Variants in PARP9 observed in about 807,000 individuals in gnomAD.
PARP9 encodes the protein protein mono-ADP-ribosyltransferase PARP9.
Under a neutral mutation model 68.8 loss-of-function variants are expected in PARP9, and 48 were observed. The ratio of observed to expected loss-of-function variants is 0.70; its 90% CI spans 0.55 to 0.89. The LOEUF (loss-of-function observed/expected upper bound fraction) is 0.89. Among genes scored for constraint, PARP9 ranks in the 40% least tolerant of loss-of-function variants. PARP9 has a pLI of 0.00. For missense variants in PARP9, 806 were observed against 969.3 expected (o/e 0.83, Z 2.24); for synonymous variants, 309 against 333.8 (o/e 0.93, Z 0.81).
At chr3:122,529,308 T>C (rs1363330105) in intron 10 of PARP9, among the ~76,000 whole-genome samples, 3 of 150,488 alleles carry the variant, frequency 2.0e-5, no homozygotes, top group African/African-American at 7.3e-5. Flanking sequence ...GTATTGCACA[T>C]TGATTAGATT....
At chr3:122,540,396 C>T (rs901205272) in intron 8 of PARP9, 76 bp downstream of exon 8, 1 of 1,527,968 alleles carries the variant, frequency 6.5e-7, no homozygotes, top group Non-Finnish European at 8.8e-7. Context: ...TACCCACATC[C>T]ATACATACAC....
chr3:122,535,486 A>G, intron 10 of PARP9: 1 of 985,434 alleles, frequency 1.0e-6, no homozygotes, highest in African/African-American at 1.7e-5. Flanking sequence ...CCCGCTAAGT[A>G]TCTCTCCATA....
chr3:122,558,389 G>T (rs1480697469), intron 3 of PARP9, 45 bp downstream of exon 3: 6 of 1,614,144 alleles, frequency 3.7e-6, no homozygotes, highest in Non-Finnish European at 5.1e-6. Flanking sequence ...GGAAAGATCT[G>T]AGCAAAGACT....
At chr3:122,534,037 A>G in intron 10 of PARP9, 3 of 985,544 alleles carry the variant, frequency 3.0e-6, no homozygotes, top group Non-Finnish European at 3.6e-6. Flanking sequence ...TGCAGGTCAC[A>G]TTATGAGTCA....
intron 8 of PARP9, among the ~76,000 whole-genome samples, chr3:122,537,349 G>A (rs2077728141): frequency 6.6e-6 from 1 of 152,208 alleles, no homozygotes; most frequent in African/African-American, 2.4e-5. Flanking sequence ...AATCAATGCT[G>A]TAATGATGAG....
chr3:122,536,355 A>G lies in PARP9; in HGVS notation c.1906-13T>C. ...CTATCTTCTCCACCTAGAACCATAGAAAAGAAAGACTGAAAAAGAGGCTAG... is the reference window on the plus strand; with the variant it reads ...CTATCTTCTCCACCTAGAACCATAGGAAAGAAAGACTGAAAAAGAGGCTAG... On this transcript the variant is annotated splice_polypyrimidine_tract_variant and intron_variant, in intron 9 of 10. Coordinates refer to ENST00000682323, the MANE Select transcript of PARP9 (RefSeq NM_001146105.2). 6.2e-7 allele frequency: 1 copy of G among 1,609,734 alleles called. No individual in the cohort carries two copies. Among genetic ancestry groups the G allele is most frequent in the East Asian group, 2.2e-5 (1 of 44,854 alleles).
intron 10 of PARP9, chr3:122,535,860 A>T: frequency 9.0e-7 from 1 of 1,113,140 alleles, no homozygotes; most frequent in Non-Finnish European, 1.1e-6. Flanking sequence ...AAAAAAAAAA[A>T]GCCTCAACGT....
intron 5 of PARP9, 84 bp downstream of exon 5, chr3:122,552,334 T>C (rs1282554915): frequency 9.6e-7 from 1 of 1,040,778 alleles, no homozygotes; most frequent in Non-Finnish European, 1.4e-6. Flanking sequence ...TTCATGAATG[T>C]AATGAAATGA....
intron 4 of PARP9, among the ~76,000 whole-genome samples, chr3:122,553,344 C>G (rs1009867456): frequency 6.6e-6 from 1 of 152,174 alleles, no homozygotes; most frequent in Admixed American, 6.5e-5. Context: ...GTCCTTCCTT[C>G]CCCCATGCCC....
intron 10 of PARP9, chr3:122,535,298 A>G (rs2077561441): frequency 1.0e-6 from 1 of 985,344 alleles, no homozygotes. Flanking sequence ...TATGTTCAAC[A>G]TTTACCCCAA....
In PARP9 at chr3:122,555,728, G is replaced by A. The variant is rs201111940; in HGVS notation, c.443C>T (p.Thr148Met). The A allele has an allele frequency of 9.3e-6, 15 of 1,613,682 alleles. No homozygotes were observed. Among genetic ancestry groups the A allele is most frequent in the African/African-American group, 2.7e-5 (2 of 74,896 alleles). The change falls in exon 4 of 11, where the codon ACG (threonine) becomes ATG (methionine). Residue 148 changes from threonine (T) to methionine (M), a missense_variant. By Grantham distance (81) the Thr-to-Met change is moderately conservative (BLOSUM62 -1). This residue lies in a region of PARP9 where 680 missense variants were observed against 858.8 expected (regional missense o/e 0.79). Coordinates refer to ENST00000682323, the MANE Select transcript of PARP9 (RefSeq NM_001146105.2). ...TTTGCAGGGAAGCCTCCCTGCTCCC[G>A]TGACAGCTATCTCACCAGCTGACAC... is the stretch of plus-strand genomic sequence containing the variant. ...GKVSAGEIAVTGAGRLPCKQI... is the reference protein window; with the variant it reads ...GKVSAGEIAVMGAGRLPCKQI...
At position 122,548,188 on chromosome 3, in the gene PARP9, T is replaced by C. The variant is rs1049171860; in HGVS notation, c.1326+2396A>G. ...ATGCTACAAATCTCCCCGTGTTTAA[T>C]TGGGCAGCAGAAGGAATAAGAACTT... On this transcript the variant is annotated intron_variant, in intron 6 of 10. Coordinates refer to ENST00000682323, the MANE Select transcript of PARP9 (RefSeq NM_001146105.2). Among the ~76,000 whole-genome samples the C allele has an allele frequency of 2.4e-4, 37 of 152,160 alleles. 1 individual carries two copies. The highest frequency in any genetic ancestry group is 6.0e-4 in the African/African-American group (25 of 41,436).
intron 4 of PARP9, 45 bp from the exon 5 acceptor site, chr3:122,552,684 T>C (rs751629947): frequency 8.5e-6 from 12 of 1,403,622 alleles, no homozygotes; most frequent in African/African-American, 1.4e-5. Context: ...AATTCCTTCT[T>C]CTTAAATGAC....
At chr3:122,537,217 G>T in intron 8 of PARP9, 144 bp from the exon 9 acceptor site, 1 of 806,732 alleles carries the variant, frequency 1.2e-6, no homozygotes, top group Non-Finnish European at 1.9e-6. Flanking sequence ...TGCGAGGAGA[G>T]CTATAATACT....
chr3:122,564,713 GA>G, upstream of PARP9: 2 of 1,409,694 alleles, frequency 1.4e-6, no homozygotes, highest in Non-Finnish European at 1.9e-6. Flanking sequence ...GAGGGCGGGA[GA>G]AAGTATGTCA....
chr3:122,533,887 A>C, intron 10 of PARP9: 4 of 985,476 alleles, frequency 4.1e-6, no homozygotes, highest in Non-Finnish European at 4.8e-6. Flanking sequence ...ATAATTTGGA[A>C]TATTGCACGG....
rs1160638134 is a variant in PARP9, at chr3:122,527,966, TA to T, written c.*397del. The T allele has an allele frequency of 1.9e-5, 3 of 154,114 alleles. No homozygotes were observed. Among genetic ancestry groups the T allele is most frequent in the Non-Finnish European group, 4.3e-5 (3 of 69,462 alleles). The allele number at this position is 154,114 out of a possible 1,614,324, so 9.5% of individuals were successfully genotyped here. A position where few individuals can be genotyped will look rare whatever the true frequency, so the allele number is the denominator to read the frequency against. ...ATTTATTTTCATACCTAAAGCACTT[TA>T]TAATATTCTCTGGAAAATCTAAAAT... is the stretch of plus-strand genomic sequence containing the variant. On this transcript the variant is annotated 3_prime_UTR_variant, in exon 11 of 11. Transcript: ENST00000682323.
At chr3:122,556,715 A>G (rs866306103) in intron 3 of PARP9, among the ~76,000 whole-genome samples, 2 of 152,172 alleles carry the variant, frequency 1.3e-5, no homozygotes, top group Non-Finnish European at 2.9e-5. Context: ...AGCACGTGTA[A>G]CTAGGCAGAT....
intron 6 of PARP9, 30 bp from the exon 7 acceptor site, chr3:122,545,519 A>G: frequency 6.2e-7 from 1 of 1,611,528 alleles, no homozygotes; most frequent in Non-Finnish European, 8.5e-7. Context: ...GCAGAGAGTC[A>G]TAAGCAGGGC....
Sources: gnomAD v4.1 joint callset for allele counts (sites outside exome capture counted in the v4.1 genomes callset) on GRCh38, gnomAD v4.1.1 for gene constraint, gnomAD v4.1.1 regional missense constraint, MANE v1.5 for transcripts, NCBI Gene and HGNC (gene_info 2026-07-23, HGNC 2026-07-21) for gene names.